MYO15B: variants seen among roughly 807,000 people sequenced by gnomAD.
MYO15B encodes myosin XVB.
In MYO15B, 207 loss-of-function variants were observed where a neutral mutation model predicts 119.3. The observed-to-expected ratio is 1.73, with a 90% CI of 1.55 to 1.95. MYO15B has a LOEUF of 1.95. MYO15B is among the 30% of genes most tolerant of loss of function. MYO15B has a pLI of 0.00. For synonymous variants in MYO15B, 966 were observed against 498.9 expected (o/e 1.94, Z -12.48); for missense variants, 2,264 against 1,203.1 (o/e 1.88, Z -13.04).
At position 75,592,520 on chromosome 17, in the gene MYO15B, G is replaced by C. The variant is rs1374617176; in HGVS notation, c.2808G>C (p.Glu936Asp). ...AGCGGCTCTCCCTGCAGGGACCGGA[G>C]ACTTACTACTACCTCAACCAGGTCG... Residue 936 changes from glutamate to aspartate, a missense_variant, in exon 8 of 64, where the codon GAG (glutamate) becomes GAC (aspartate). Glu to Asp is a conservative substitution (Grantham distance 45). Coordinates refer to ENST00000645453, the Ensembl canonical transcript of MYO15B. 2.0e-5 allele frequency: 12 copies of C among 606,172 alleles called. No homozygotes were observed. The South Asian group carries it at 2.3e-4, about 12-fold the overall frequency. The allele number at this position is 606,172 out of a possible 1,614,324, so 37.5% of individuals were successfully genotyped here.
chr17:75,607,987 T>G (rs2057765973), intron 21 of MYO15B, among the ~76,000 whole-genome samples: 1 of 152,216 alleles, frequency 6.6e-6, no homozygotes, highest in East Asian at 1.9e-4. Flanking sequence ...GCCCTGCTAG[T>G]GGGTGTGAAG....
At chr17:75,626,335 A>C (rs1204607376) in intron 63 of MYO15B, 72 bp from the exon 64 acceptor site, 3 of 701,118 alleles carry the variant, frequency 4.3e-6, no homozygotes, top group Non-Finnish European at 7.8e-6. Context: ...ACTGCTCCGG[A>C]GTGCTGTGGG....
intron 15 of MYO15B, among the ~76,000 whole-genome samples, chr17:75,601,951 A>G (rs952530839): frequency 2.0e-5 from 3 of 152,200 alleles, no homozygotes; most frequent in African/African-American, 7.2e-5. Context: ...GGTGCCTGGC[A>G]CATAGTAGGT....
At chr17:75,617,118 C>A in exon 41 of MYO15B, 2 of 678,724 alleles carry the variant, frequency 2.9e-6, no homozygotes, top group Admixed American at 2.1e-5. Flanking sequence ...GGGCCCCCCG[C>A]CAGCTGTGGC....
At chr17:75,620,771 C>T (rs1275687725) in intron 49 of MYO15B, 135 bp downstream of exon 49, 1 of 700,894 alleles carries the variant, frequency 1.4e-6, no homozygotes, top group Non-Finnish European at 2.6e-6. Flanking sequence ...GCCCCTCTGC[C>T]CGCTCCTGAT....
rs112815361 is a variant in MYO15B at position 75,621,994 on chromosome 17, G to C, written c.8006-10G>C. The C allele has an allele frequency of 6.0e-3, 4,201 of 702,868 alleles. 88 individuals are homozygous for C. The highest frequency in any genetic ancestry group is 0.046 in the African/African-American group (2,662 of 57,366). 43.5% of individuals were successfully genotyped at this position (702,868 alleles called of 1,614,324 possible). A position where few individuals can be genotyped will look rare whatever the true frequency, so the allele number is the denominator to read the frequency against. On this transcript the variant is annotated splice_polypyrimidine_tract_variant and intron_variant, in intron 52 of 63. Transcript: ENST00000645453. ...CCAGCTATGTGCCCTGTTTCTTATC[G>C]TGCCTGCAGCCCTGATGCGGTTTAT... is the stretch of plus-strand genomic sequence containing the variant.
At chr17:75,616,597 T>C (rs1000569402) in exon 39 of MYO15B, 1 of 702,968 alleles carries the variant, frequency 1.4e-6, no homozygotes, top group East Asian at 2.7e-5. Flanking sequence ...CAAAAGAGGC[T>C]GAGGCTGAGC....
At chr17:75,606,437 C>T (rs11652888) in intron 21 of MYO15B, among the ~76,000 whole-genome samples, 33,574 of 151,292 alleles carry the variant, frequency 0.22, 4,133 homozygotes, top group Non-Finnish European at 0.29. Flanking sequence ...GCCTCAGCCT[C>T]CCGAGTAGCT....
intron 9 of MYO15B, 137 bp downstream of exon 9, chr17:75,592,977 T>G (rs1396412439): frequency 1.7e-6 from 1 of 588,536 alleles, no homozygotes; most frequent in African/African-American, 1.9e-5. Context: ...ATCCCCACTG[T>G]GTAGATGAGA....
chr17:75,590,493 C>T (rs1385536413), intron 1 of MYO15B, 133 bp from the exon 2 acceptor site: 1 of 385,306 alleles, frequency 2.6e-6, no homozygotes, highest in Non-Finnish European at 4.6e-6. Flanking sequence ...TACTTGACAG[C>T]TCAGCCCCCA....
At chr17:75,600,545 T>C (rs35173889) in intron 14 of MYO15B, 55,152 of 149,756 alleles carry the variant, frequency 0.37, 10,700 homozygotes, top group East Asian at 0.56. Context: ...GCTCCCAGTC[T>C]CAATCAGTCC....
intron 49 of MYO15B, 191 bp from the exon 50 acceptor site, chr17:75,620,840 A>G (rs10814): frequency 0.29 from 206,372 of 701,796 alleles, 31,762 homozygotes; most frequent in Middle Eastern, 0.37. Flanking sequence ...GCTGGGCTGG[A>G]TGCTGCTCTT....
chr17:75,589,089 C>T lies in MYO15B; in HGVS notation c.1032C>T (p.Leu344=), dbSNP rs902308671. The change falls in exon 1 of 64, where the codon CTC becomes CTT. Residue 344 remains leucine (L), a synonymous_variant. Coordinates refer to ENST00000645453, the Ensembl canonical transcript of MYO15B. This position sits in a 1 kb window ranked among gnomAD's most constrained non-coding sequence, Gnocchi z 4.2. ...CCCTCCTGGTGGTCCGCAGGCTCCT[C>T]GCGAGGCCCCCGCCAGGCGCCGCTT... 1 of 394,048 alleles carries T rather than the reference C, an allele frequency of 2.5e-6. No individual in the cohort carries two copies. The highest frequency in any genetic ancestry group is 2.1e-5 in the African/African-American group (1 of 48,360). The allele number at this position is 394,048 out of a possible 1,614,324, so 24.4% of individuals were successfully genotyped here.
chr17:75,591,251 G>T lies in MYO15B; in HGVS notation c.2435+5G>T, dbSNP rs1256306430. 1.4e-6 allele frequency: 1 copy of T among 702,864 alleles called. No homozygotes were observed. The highest frequency in any genetic ancestry group is 2.0e-5 in the Admixed American group (1 of 49,992). 43.5% of individuals were successfully genotyped at this position (702,864 alleles called of 1,614,324 possible). The stretch of plus-strand genomic sequence containing the variant: ...GGACCCATGCATCCTCCTGTGGTGA[G>T]TGGTGGCCTTCCTGGGTGGCTGAAC... On this transcript the variant is annotated splice_donor_5th_base_variant and intron_variant, in intron 4 of 63. Transcript: ENST00000645453.
At chr17:75,601,687 C>G (rs2057295858) in intron 15 of MYO15B, 124 bp downstream of exon 15, 1 of 629,922 alleles carries the variant, frequency 1.6e-6, no homozygotes, top group East Asian at 2.7e-5. Context: ...GGACACCTGT[C>G]CCTACCTGAG....
intron 19 of MYO15B, 112 bp from the exon 20 acceptor site, chr17:75,605,392 G>A (rs1325736304): frequency 1.3e-5 from 8 of 611,064 alleles, no homozygotes; most frequent in Non-Finnish European, 2.0e-5. Flanking sequence ...AGCCGAGATC[G>A]CGCCACTGTA....
chr17:75,614,297 G>A (rs2058222983), exon 30 of MYO15B: 4 of 702,880 alleles, frequency 5.7e-6, no homozygotes, highest in Non-Finnish European at 7.8e-6. Context: ...GACCTGATCA[G>A]CCAGACTGAG....
exon 5 of MYO15B, chr17:75,591,704 G>A: frequency 1.4e-6 from 1 of 702,958 alleles, no homozygotes; most frequent in Admixed American, 2.0e-5. Context: ...GGGGAACCGA[G>A]AGTGTCAGGT....
exon 32 of MYO15B, chr17:75,614,811 G>T (rs368115031): frequency 2.8e-6 from 2 of 702,808 alleles, no homozygotes; most frequent in East Asian, 2.7e-5. Flanking sequence ...CGGCTTCCTG[G>T]ACCAGATCTT....
Sources: gnomAD v4.1 joint callset for allele counts (sites outside exome capture counted in the v4.1 genomes callset) on GRCh38, gnomAD v4.1.1 for gene constraint, Gnocchi (gnomAD v3.1) non-coding constraint, MANE v1.5 for transcripts, NCBI Gene and HGNC (gene_info 2026-07-23, HGNC 2026-07-21) for gene names.